CHN1: variants seen among roughly 807,000 people sequenced by gnomAD.
CHN1 encodes chimerin 1, also known as N-chimaerin.
CHN1 carries 37 observed loss-of-function variants against 59.5 expected under a neutral mutation model. The observed-to-expected ratio is 0.62, with a 90% CI of 0.48 to 0.82. The LOEUF (loss-of-function observed/expected upper bound fraction) is 0.82. CHN1 is among the 40% of genes least tolerant of loss of function. The probability of loss-of-function intolerance (pLI) is 0.00; values close to 1 mark genes in which losing one functional copy is unlikely to be tolerated. For missense variants in CHN1, 469 were observed against 571.0 expected, an observed-to-expected ratio of 0.82 and a Z score of 1.82; for synonymous variants, 206 against 200.4, an observed-to-expected ratio of 1.03 and a Z score of -0.24.
At chr2:174,847,554 G>GCAAT in intron 6 of CHN1, 1 of 1,259,240 alleles carries the variant, frequency 7.9e-7, no homozygotes, top group Admixed American at 3.3e-5. Flanking sequence ...CATACTGCCT[G>GCAAT]CAATCAGTTT....
intron 3 of CHN1, among the ~76,000 whole-genome samples, chr2:174,925,962 A>G (rs1017074702): frequency 5.3e-5 from 8 of 152,230 alleles, no homozygotes; most frequent in Non-Finnish European, 1.0e-4. Context: ...AATATTTTAC[A>G]GTGTTTGGTT....
chr2:174,830,494 T>C (rs1011744274), intron 7 of CHN1, among the ~76,000 whole-genome samples: 6 of 152,134 alleles, frequency 3.9e-5, no homozygotes, highest in South Asian at 2.1e-4. Context: ...GGAGTAATAA[T>C]GTATTAACAA....
intron 6 of CHN1, among the ~76,000 whole-genome samples, chr2:174,864,519 C>T (rs987386329): frequency 1.2e-4 from 18 of 152,070 alleles, no homozygotes; most frequent in African/African-American, 3.4e-4. Context: ...TTTAATATGG[C>T]TCAATTATTT....
intron 1 of CHN1, among the ~76,000 whole-genome samples, chr2:174,978,649 T>C (rs1691035350): frequency 6.6e-6 from 1 of 152,228 alleles, no homozygotes; most frequent in African/African-American, 2.4e-5. Context: ...TAATCAATTC[T>C]AGTTTATTGT....
chr2:174,844,943 A>C (rs2105432894), intron 7 of CHN1, among the ~76,000 whole-genome samples: 1 of 152,296 alleles, frequency 6.6e-6, no homozygotes, highest in South Asian at 2.1e-4. Context: ...GAGAAGGAAG[A>C]AGCTTTCCAT....
At chr2:174,879,123 T>C (rs1361557761) in intron 5 of CHN1, among the ~76,000 whole-genome samples, 3 of 152,226 alleles carry the variant, frequency 2.0e-5, no homozygotes, top group Admixed American at 1.3e-4. Flanking sequence ...TTTAATTTCA[T>C]TGTTAAAAGT....
At chr2:174,875,982 G>C (rs991715066) in intron 6 of CHN1, 1 of 230,206 alleles carries the variant, frequency 4.3e-6, no homozygotes, top group African/African-American at 2.3e-5. Context: ...ATGTACTGCC[G>C]CAGAGAGATA....
intron 10 of CHN1, chr2:174,811,040 A>G (rs1157438855): frequency 6.6e-6 from 1 of 152,566 alleles, no homozygotes; most frequent in African/African-American, 2.4e-5. Flanking sequence ...GAAGGCCCCT[A>G]AAGCTTCTTT....
At chr2:174,932,274 C>A (rs1689372229) in intron 3 of CHN1, among the ~76,000 whole-genome samples, 1 of 152,172 alleles carries the variant, frequency 6.6e-6, no homozygotes, top group Non-Finnish European at 1.5e-5. Flanking sequence ...GTTGGCAAGA[C>A]AACTGTCCTA....
intron 3 of CHN1, among the ~76,000 whole-genome samples, chr2:174,942,879 A>C (rs959137147): frequency 6.6e-6 from 1 of 151,930 alleles, no homozygotes; most frequent in Non-Finnish European, 1.5e-5. Flanking sequence ...GCGAAACCCC[A>C]TCTCTACAAA....
At chr2:174,874,290 G>A (rs1687493078) in intron 6 of CHN1, among the ~76,000 whole-genome samples, 1 of 152,122 alleles carries the variant, frequency 6.6e-6, no homozygotes, top group African/African-American at 2.4e-5. Context: ...TAAAAGTTGG[G>A]CTCTTGGCCA....
intron 1 of CHN1, among the ~76,000 whole-genome samples, chr2:174,976,126 CAAAAAAAAAAA>C (rs71031078): frequency 4.0e-5 from 2 of 50,182 alleles, no homozygotes; most frequent in African/African-American, 8.9e-5. Flanking sequence ...GACTCCGTCT[CAAAAAAAAAAA>C]AAAAAAAAAA....
intron 1 of CHN1, among the ~76,000 whole-genome samples, chr2:174,988,334 G>A (rs1204481118): frequency 6.7e-6 from 1 of 148,370 alleles, no homozygotes. Flanking sequence ...TCCAGCCTGG[G>A]CAACAGAGTG....
intron 9 of CHN1, among the ~76,000 whole-genome samples, 192 bp from the exon 10 acceptor site, chr2:174,811,780 T>C (rs765112152): frequency 6.6e-6 from 1 of 152,242 alleles, no homozygotes; most frequent in Non-Finnish European, 1.5e-5. Context: ...GTCACCTGAA[T>C]ATCATCTGGC....
At chr2:174,954,263 C>T (rs1204374431) in intron 1 of CHN1, among the ~76,000 whole-genome samples, 2 of 152,076 alleles carry the variant, frequency 1.3e-5, no homozygotes, top group African/African-American at 4.8e-5. Flanking sequence ...AAAAGTGGAT[C>T]CTCGTTTCTC....
intron 3 of CHN1, among the ~76,000 whole-genome samples, chr2:174,920,359 G>A (rs1489063032): frequency 1.3e-5 from 2 of 152,152 alleles, no homozygotes; most frequent in African/African-American, 4.8e-5. Context: ...TAGTGAGATT[G>A]CAGAATCATG....
rs895643752 is a variant in CHN1 at position 174,943,158 on chromosome 2, T to C, written c.114+1730A>G. Among the ~76,000 whole-genome samples the C allele has an allele frequency of 9.2e-5, 14 of 152,194 alleles. No homozygotes were observed. The East Asian group carries it at 1.9e-3, about 21-fold the overall frequency. ...AATTTGTAAGGTTCATTTGTTCTTATTTGTATTCAATTTTAGGGTTTGCTT... is the reference window on the plus strand; with the variant it reads ...AATTTGTAAGGTTCATTTGTTCTTACTTGTATTCAATTTTAGGGTTTGCTT... On this transcript the variant is annotated intron_variant, in intron 3 of 12. Coordinates refer to ENST00000409900, the MANE Select transcript of CHN1 (RefSeq NM_001822.7).
At chr2:174,849,950 T>C (rs1406669223) in intron 6 of CHN1, among the ~76,000 whole-genome samples, 2 of 152,196 alleles carry the variant, frequency 1.3e-5, no homozygotes, top group Non-Finnish European at 2.9e-5. Flanking sequence ...CTAGTTACCT[T>C]CTTTCAATTT....
At chr2:174,928,145 C>G (rs955770666) in intron 3 of CHN1, among the ~76,000 whole-genome samples, 1 of 152,090 alleles carries the variant, frequency 6.6e-6, no homozygotes, top group African/African-American at 2.4e-5. Flanking sequence ...AGCTTTGGAT[C>G]TATTCTAATT....
Sources: allele counts gnomAD v4.1 joint callset (sites outside exome capture counted in the v4.1 genomes callset), GRCh38; gene constraint gnomAD v4.1.1; transcripts MANE v1.5; gene names NCBI Gene and HGNC (gene_info 2026-07-23, HGNC 2026-07-21).